The following RIMS2 variants were observed in gnomAD, a reference collection of about 807,000 sequenced individuals.
RIMS2 encodes the protein regulating synaptic membrane exocytosis protein 2.
In RIMS2, 59 loss-of-function variants were observed where a neutral mutation model predicts 174.4. That is an observed-to-expected ratio of 0.34 (90% CI 0.27 to 0.42). The LOEUF is 0.42. Among genes scored for constraint, RIMS2 ranks in the 10% least tolerant of loss-of-function variants. The probability of loss-of-function intolerance (pLI) is 1.00; values close to 1 mark genes in which losing one functional copy is unlikely to be tolerated. For missense variants in RIMS2, 1,620 were observed against 1,666.3 expected (o/e 0.97, Z 0.48); for synonymous variants, 606 against 572.5 (o/e 1.06, Z -0.84).
chr8:103,909,638 T>C (rs528844534), intron 4 of RIMS2, among the ~76,000 whole-genome samples: 8 of 152,242 alleles, frequency 5.3e-5, no homozygotes, highest in Middle Eastern at 3.4e-3. Context: ...AAGAATATCA[T>C]ACTGCATTTC....
intron 16 of RIMS2, among the ~76,000 whole-genome samples, chr8:103,985,743 G>C (rs972088998): frequency 1.3e-5 from 2 of 151,954 alleles, no homozygotes; most frequent in Non-Finnish European, 2.9e-5. Context: ...CAGATGTACA[G>C]GTAATAAAAA....
At chr8:103,948,974 ATAAT>A (rs1489824132) in intron 14 of RIMS2, among the ~76,000 whole-genome samples, 5 of 151,096 alleles carry the variant, frequency 3.3e-5, no homozygotes, top group African/African-American at 7.3e-5. Flanking sequence ...AAAAAAAAAA[ATAAT>A]TAGCCGGGTT....
intron 19 of RIMS2, among the ~76,000 whole-genome samples, chr8:104,142,701 T>C (rs756444385): frequency 6.6e-5 from 10 of 151,686 alleles, no homozygotes; most frequent in Non-Finnish European, 8.8e-5. Flanking sequence ...ACCTTAAACA[T>C]AGATTAATTA....
At chr8:103,961,001 G>GTTT (rs1433038228) in intron 14 of RIMS2, 64 bp from the exon 17 acceptor site, 3 of 854,676 alleles carry the variant, frequency 3.5e-6, no homozygotes, top group Non-Finnish European at 6.0e-6. Context: ...TTTTTCAGGT[G>GTTT]TTTGAGGAAT....
chr8:103,652,434 C>T (rs1476157637), intron 1 of RIMS2, among the ~76,000 whole-genome samples, 190 bp from the exon 3 acceptor site: 1 of 152,136 alleles, frequency 6.6e-6, no homozygotes, highest in Non-Finnish European at 1.5e-5. Flanking sequence ...TTTTTTGCTG[C>T]CTGCTTGTGG....
Position 103,910,304 on chromosome 8 carries a change from T to A in RIMS2, c.1692+103T>A. ...TCTTTTTTGTATCTTTTTTTTTTTTTTATCCCATACCTGTAGGGGACAGTC... is the reference window on the plus strand; with the variant it reads ...TCTTTTTTGTATCTTTTTTTTTTTTATATCCCATACCTGTAGGGGACAGTC... On this transcript the variant is annotated intron_variant, in intron 5 of 23. Coordinates refer to ENST00000504942, the Ensembl canonical transcript of RIMS2. The A allele has an allele frequency of 1.3e-6, 2 of 1,538,314 alleles. No individual in the cohort carries two copies. The highest frequency in any genetic ancestry group is 1.2e-5 in the South Asian group (1 of 83,988).
intron 19 of RIMS2, among the ~76,000 whole-genome samples, chr8:104,103,568 C>T (rs2097954588): frequency 1.3e-5 from 2 of 151,964 alleles, no homozygotes; most frequent in Admixed American, 6.6e-5. Context: ...TTCTGAGCCA[C>T]CTTTCCCTAA....
At chr8:103,831,313 G>C (rs1212326753) in intron 3 of RIMS2, among the ~76,000 whole-genome samples, 5 of 152,144 alleles carry the variant, frequency 3.3e-5, no homozygotes, top group Non-Finnish European at 7.4e-5. Context: ...AAAGTAAAGA[G>C]AAAAGGGGTG....
intron 1 of RIMS2, among the ~76,000 whole-genome samples, chr8:103,564,424 A>C (rs1301024887): frequency 2.0e-5 from 3 of 152,202 alleles, no homozygotes; most frequent in African/African-American, 7.2e-5. Flanking sequence ...ATTGACTCAC[A>C]TAATCACAAG....
Position 103,500,965 on chromosome 8 carries a change from C to T in RIMS2, c.79C>T (p.Pro27Ser), listed in dbSNP as rs1819370955. 16 of 1,610,360 alleles carry T rather than the reference C, an allele frequency of 9.9e-6. No homozygotes were observed. The East Asian group carries it at 3.4e-4, about 34-fold the overall frequency. ...TCAGCCGCCTCTGCAGCCCGAGATG[C>T]CTGACCTCAGCCACCTCACGGAGGA... Residue 27 changes from proline (P) to serine (S), a missense_variant, in exon 1 of 24, where the codon CCT (proline) becomes TCT (serine). By Grantham distance (74) the Pro-to-Ser change is moderately conservative (BLOSUM62 -1). Transcript: ENST00000504942.
At chr8:104,210,660 G>A (rs553530610) in intron 19 of RIMS2, among the ~76,000 whole-genome samples, 1 of 152,154 alleles carries the variant, frequency 6.6e-6, no homozygotes, top group Non-Finnish European at 1.5e-5. Flanking sequence ...ATCCGTGTTT[G>A]CCCATAGACT....
intron 3 of RIMS2, among the ~76,000 whole-genome samples, chr8:103,779,074 G>A (rs576065373): frequency 6.6e-6 from 1 of 152,162 alleles, no homozygotes; most frequent in Admixed American, 6.5e-5. Flanking sequence ...CAGATCTTTT[G>A]CCCACTTTTA....
At chr8:103,701,733 A>G (rs1386786812) in intron 2 of RIMS2, among the ~76,000 whole-genome samples, 3 of 152,078 alleles carry the variant, frequency 2.0e-5, no homozygotes, top group South Asian at 2.1e-4. Context: ...ATGACGTCCA[A>G]TTCCATCCAT....
chr8:103,803,277 G>A (rs996480076), intron 3 of RIMS2, among the ~76,000 whole-genome samples: 1 of 151,966 alleles, frequency 6.6e-6, no homozygotes, highest in Non-Finnish European at 1.5e-5. Flanking sequence ...TTTCATATTG[G>A]GGATTTGACT....
chr8:103,588,877 AAC>A (rs1264172506), intron 1 of RIMS2, among the ~76,000 whole-genome samples: 4 of 152,012 alleles, frequency 2.6e-5, no homozygotes, highest in South Asian at 2.1e-4. Flanking sequence ...ATATCCCACA[AAC>A]ACAGGCAACC....
chr8:104,081,813 A>T (rs1310029490), intron 19 of RIMS2, among the ~76,000 whole-genome samples: 1 of 152,092 alleles, frequency 6.6e-6, no homozygotes, highest in East Asian at 1.9e-4. Context: ...AATATGGTGA[A>T]CTTGTGAATG....
intron 19 of RIMS2, among the ~76,000 whole-genome samples, chr8:104,030,623 A>T (rs988331057): frequency 2.6e-5 from 4 of 152,132 alleles, no homozygotes; most frequent in African/African-American, 4.8e-5. Flanking sequence ...TCTGGAACAT[A>T]TCAGACATGC....
At chr8:103,918,617 A>C in intron 9 of RIMS2, 130 bp downstream of exon 12, 1 of 690,852 alleles carries the variant, frequency 1.4e-6, no homozygotes. Context: ...AAGCATATAA[A>C]GATGGAAAAT....
At position 103,558,705 on chromosome 8, in the gene RIMS2, G is replaced by A. The variant is rs76566644; in HGVS notation, c.176+57643G>A. Among the ~76,000 whole-genome samples the A allele has an allele frequency of 4.7e-3, 714 of 152,090 alleles. 5 individuals are homozygous for A. The highest frequency in any genetic ancestry group is 0.016 in the African/African-American group (666 of 41,460). Reference sequence around the variant, plus strand: ...CTTTGAGATTGTAAATATGAACATGGTCACACCACAAGTAAAGTCAGAAGT... The same window carrying A: ...CTTTGAGATTGTAAATATGAACATGATCACACCACAAGTAAAGTCAGAAGT... On this transcript the variant is annotated intron_variant, in intron 1 of 23. Coordinates refer to ENST00000504942, the Ensembl canonical transcript of RIMS2.
Sources: allele counts gnomAD v4.1 joint callset (sites outside exome capture counted in the v4.1 genomes callset), GRCh38; gene constraint gnomAD v4.1.1; transcripts MANE v1.5; gene names NCBI Gene and HGNC (gene_info 2026-07-23, HGNC 2026-07-21).